Variants in BRD10 observed in about 807,000 individuals in gnomAD.
The protein encoded by BRD10 is uncharacterized bromodomain-containing protein 10.
At chr9:5,912,810 C>T in the BRD10 span, among the ~76,000 whole-genome samples, 4 of 152,304 alleles carry the variant, frequency 2.6e-5, no homozygotes, top group African/African-American at 9.6e-5. Context: ...CTGCTTTGAT[C>T]CCCTAAGCTT....
At chr9:5,989,235 T>TAAAAAA in the BRD10 span, among the ~76,000 whole-genome samples, 2 of 46,164 alleles carry the variant, frequency 4.3e-5, no homozygotes, top group Non-Finnish European at 3.8e-5. Context: ...TCTGTCTCAT[T>TAAAAAA]AAAAAAAAAA....
At chr9:6,000,541 G>A in the BRD10 span, among the ~76,000 whole-genome samples, 2 of 151,838 alleles carry the variant, frequency 1.3e-5, no homozygotes, top group African/African-American at 2.4e-5. Context: ...TAAATACAAG[G>A]GCACAAATAT....
At chr9:5,974,064 G>A in the BRD10 span, among the ~76,000 whole-genome samples, 4 of 152,146 alleles carry the variant, frequency 2.6e-5, no homozygotes, top group South Asian at 2.1e-4. Flanking sequence ...AATGAAGAAC[G>A]TAAGCCACAT....
At chr9:6,003,369 T>A in the BRD10 span, among the ~76,000 whole-genome samples, 1 of 152,192 alleles carries the variant, frequency 6.6e-6, no homozygotes, top group Non-Finnish European at 1.5e-5. Flanking sequence ...ATACTAATAT[T>A]TGACGTTCTC....
At chr9:5,891,443 A>T in the BRD10 span, 1 of 152,160 alleles carries the variant, frequency 6.6e-6, no homozygotes, top group Admixed American at 6.5e-5. Flanking sequence ...GGGAAGGGCA[A>T]ATTACACATA....
At chr9:5,920,233 G>C in the BRD10 span, 4 of 1,613,848 alleles carry the variant, frequency 2.5e-6, no homozygotes, top group Non-Finnish European at 3.4e-6. Flanking sequence ...GAACTAAGGG[G>C]GCTCCATATT....
At chr9:5,907,007 A>G in the BRD10 span, 1 of 1,548,612 alleles carries the variant, frequency 6.5e-7, no homozygotes, top group Non-Finnish European at 8.7e-7. Context: ...TGGTAGGTTA[A>G]GATCCTTCAT....
chr9:5,970,106 C>T, the BRD10 span, among the ~76,000 whole-genome samples: 74 of 152,208 alleles, frequency 4.9e-4, no homozygotes, highest in African/African-American at 1.7e-3. Flanking sequence ...CCTCTGACCC[C>T]ATAATTCCAT....
the BRD10 span, chr9:5,908,744 TTC>T: frequency 6.3e-7 from 1 of 1,579,332 alleles, no homozygotes; most frequent in East Asian, 2.2e-5. Context: ...CTGAAATTAT[TTC>T]TCTCACACTT....
the BRD10 span, among the ~76,000 whole-genome samples, chr9:5,988,873 A>G: frequency 6.6e-6 from 1 of 152,244 alleles, no homozygotes; most frequent in Non-Finnish European, 1.5e-5. Context: ...GGTACGAGAA[A>G]ATGTACAATA....
At chr9:5,967,111 T>C in the BRD10 span, among the ~76,000 whole-genome samples, 95 of 152,332 alleles carry the variant, frequency 6.2e-4, no homozygotes, top group Admixed American at 4.6e-3. Context: ...ATCTTACTTT[T>C]GCTACTGAAG....
the BRD10 span, among the ~76,000 whole-genome samples, chr9:5,971,669 AT>A: frequency 3.3e-5 from 5 of 152,222 alleles, no homozygotes; most frequent in East Asian, 9.6e-4. Flanking sequence ...TACCTAAAAA[AT>A]ATTAAATATT....
chr9:5,968,543 A>G, the BRD10 span: 12 of 1,613,614 alleles, frequency 7.4e-6, no homozygotes, highest in African/African-American at 5.3e-5. Context: ...TTTTACTCCC[A>G]TTTCAACAGA....
At chr9:6,007,166 C>T in the BRD10 span, 2 of 1,597,242 alleles carry the variant, frequency 1.3e-6, no homozygotes, top group Middle Eastern at 1.7e-4. Flanking sequence ...GTCAGTCTGT[C>T]AGTCCCACCG....
At chr9:5,933,137 C>G in the BRD10 span, among the ~76,000 whole-genome samples, 1 of 152,120 alleles carries the variant, frequency 6.6e-6, no homozygotes, top group Non-Finnish European at 1.5e-5. Context: ...ATGACTTTCT[C>G]TAATAAAAAT....
chr9:5,966,455 CTTTTTTT>C, the BRD10 span, among the ~76,000 whole-genome samples: 2 of 83,750 alleles, frequency 2.4e-5, no homozygotes, highest in Non-Finnish European at 4.3e-5. Flanking sequence ...CTAACATTTC[CTTTTTTT>C]TTTTTTTTTT....
chr9:5,988,401 A>C, the BRD10 span: 2 of 1,613,742 alleles, frequency 1.2e-6, no homozygotes, highest in Admixed American at 1.7e-5. Flanking sequence ...GAACCATTAT[A>C]GATTCAAAAA....
At chr9:5,953,345 T>C in the BRD10 span, among the ~76,000 whole-genome samples, 1 of 152,144 alleles carries the variant, frequency 6.6e-6, no homozygotes, top group Non-Finnish European at 1.5e-5. Flanking sequence ...ATACATCTTT[T>C]ATAAAATAGA....
At chr9:5,910,234 A>T in the BRD10 span, 1 of 152,184 alleles carries the variant, frequency 6.6e-6, no homozygotes, top group Non-Finnish European at 1.5e-5. Flanking sequence ...TCAGTAAACC[A>T]CCTAAAAATC....
Sources: allele counts gnomAD v4.1 joint callset (sites outside exome capture counted in the v4.1 genomes callset), GRCh38; gene constraint gnomAD v4.1.1; transcripts MANE v1.5; gene names NCBI Gene and HGNC (gene_info 2026-07-23, HGNC 2026-07-21).